TENM4: variants seen among roughly 807,000 people sequenced by gnomAD.
TENM4 encodes teneurin-4.
A neutral mutation model predicts 243.3 loss-of-function variants in TENM4; 82 were observed. That is an observed-to-expected ratio of 0.34 (90% confidence interval 0.28 to 0.40). The LOEUF (loss-of-function observed/expected upper bound fraction) is 0.40, where lower values mean the gene tolerates loss of function less well. Among genes scored for constraint, TENM4 ranks in the 10% least tolerant of loss-of-function variants. The pLI is 1.00. For synonymous variants in TENM4, 1,412 were observed against 1,456.3 expected, an observed-to-expected ratio of 0.97 and a Z score of 0.69; for missense variants, 3,138 against 3,673.3, an observed-to-expected ratio of 0.85 and a Z score of 3.77.
At chr11:79,205,982 A>C (rs1005094468) in intron 3 of TENM4, among the ~76,000 whole-genome samples, 9 of 152,368 alleles carry the variant, frequency 5.9e-5, no homozygotes, top group Non-Finnish European at 1.3e-4. Context: ...GGCCACTGGC[A>C]GGTCTGGTGT....
At chr11:79,054,778 A>G (rs1355381971) in intron 6 of TENM4, among the ~76,000 whole-genome samples, 1 of 152,100 alleles carries the variant, frequency 6.6e-6, no homozygotes, top group Non-Finnish European at 1.5e-5. Flanking sequence ...TGTTTTTACT[A>G]AAACCTATAA....
intron 6 of TENM4, among the ~76,000 whole-genome samples, chr11:78,925,035 G>T (rs575521606): frequency 5.9e-5 from 9 of 152,172 alleles, no homozygotes; most frequent in African/African-American, 1.9e-4. Context: ...TTTCATACAC[G>T]TCACCGCTGA....
intron 6 of TENM4, among the ~76,000 whole-genome samples, chr11:78,995,649 G>A (rs148232611): frequency 5.3e-5 from 8 of 150,450 alleles, no homozygotes; most frequent in African/African-American, 1.9e-4. Context: ...GGGTGGAAAA[G>A]AATTATAAAA....
At chr11:78,664,700 G>T (rs1858109193) in intron 32 of TENM4, among the ~76,000 whole-genome samples, 1 of 152,128 alleles carries the variant, frequency 6.6e-6, no homozygotes, top group African/African-American at 2.4e-5. Flanking sequence ...AAGAGTCTTT[G>T]ATTCTATAAA....
At chr11:79,191,778 G>A (rs1372532636) in intron 3 of TENM4, 2 of 181,560 alleles carry the variant, frequency 1.1e-5, no homozygotes, top group South Asian at 9.4e-5. Context: ...TCCCGGCCGC[G>A]ACCCCGTCTG....
chr11:79,393,426 C>A (rs1858276949), intron 1 of TENM4, among the ~76,000 whole-genome samples: 2 of 152,150 alleles, frequency 1.3e-5, no homozygotes, highest in African/African-American at 4.8e-5. Context: ...CTTTTAAAGA[C>A]AAAATGGGAC....
In TENM4 at chr11:78,658,066, G is replaced by A. The variant is rs780556556; in HGVS notation, c.8302C>T (p.Arg2768Trp). ...IHFMRQSEMG[R>W]R ...GTCCTTGGTCCTCTCTGTCACCTCC[G>A]GCCCATCTCGCTCTGTCTCATGAAG... The change falls in exon 34 of 34, where the codon CGG becomes TGG. Residue 2768 changes from arginine (R) to tryptophan (W), a missense_variant. By Grantham distance (101) the Arg-to-Trp change is moderately radical. Coordinates refer to ENST00000278550, the MANE Select transcript of TENM4 (RefSeq NM_001098816.3). The A allele has an allele frequency of 1.2e-5, 20 of 1,611,800 alleles. No homozygotes were observed. Among genetic ancestry groups the A allele is most frequent in the Middle Eastern group, 3.3e-4 (2 of 6,084 alleles).
intron 2 of TENM4, among the ~76,000 whole-genome samples, chr11:79,292,824 T>A (rs1856379112): frequency 6.6e-6 from 1 of 152,256 alleles, no homozygotes; most frequent in South Asian, 2.1e-4. Context: ...ATAGTATCTA[T>A]CTTATAGGGT....
chr11:79,122,430 AG>A (rs776073672), intron 4 of TENM4, among the ~76,000 whole-genome samples: 3 of 152,180 alleles, frequency 2.0e-5, no homozygotes, highest in Non-Finnish European at 2.9e-5. Flanking sequence ...AACACAAAGC[AG>A]GGGGTCTGAT....
chr11:78,713,124 T>C (rs1859440241), intron 25 of TENM4, among the ~76,000 whole-genome samples: 1 of 152,174 alleles, frequency 6.6e-6, no homozygotes. Context: ...AAAAAAACAC[T>C]TCAAGAGTTC....
At chr11:78,857,135 G>A (rs1394993690) in intron 10 of TENM4, among the ~76,000 whole-genome samples, 4 of 152,186 alleles carry the variant, frequency 2.6e-5, no homozygotes, top group Admixed American at 2.6e-4. Flanking sequence ...AGTTGAGAAG[G>A]AACAGGAGAG....
chr11:79,309,090 A>G (rs896603831), intron 1 of TENM4, among the ~76,000 whole-genome samples: 4 of 152,198 alleles, frequency 2.6e-5, no homozygotes, highest in African/African-American at 9.7e-5. Context: ...CTTCTGAAAA[A>G]AGGAGCATCC....
At chr11:78,793,263 G>A (rs2136054728) in intron 15 of TENM4, among the ~76,000 whole-genome samples, 1 of 152,206 alleles carries the variant, frequency 6.6e-6, no homozygotes, top group African/African-American at 2.4e-5. Flanking sequence ...ACAAGTAGGG[G>A]GTAGAAGGGC....
intron 1 of TENM4, among the ~76,000 whole-genome samples, chr11:79,379,993 C>G (rs1159163061): frequency 6.6e-6 from 1 of 152,092 alleles, no homozygotes; most frequent in African/African-American, 2.4e-5. Flanking sequence ...TGCTCTTCAG[C>G]CCTTTTCTGT....
In TENM4 at chr11:79,356,871, A is replaced by G. The variant is rs920427253; in HGVS notation, c.-320-59328T>C. On this transcript the variant is annotated intron_variant, in intron 1 of 33. Transcript: ENST00000278550. ...GCTTGCTCTCAGCAATCGTTTCCAC[A>G]CTATATATCCATAATGAATATTATA... Among the ~76,000 whole-genome samples the G allele has an allele frequency of 7.2e-5, 11 of 152,286 alleles. 1 individual carries two copies. Among genetic ancestry groups the G allele is most frequent in the Admixed American group, 2.6e-4 (4 of 15,302 alleles).
intron 25 of TENM4, among the ~76,000 whole-genome samples, chr11:78,718,184 G>C (rs1423098550): frequency 6.6e-6 from 1 of 152,172 alleles, no homozygotes; most frequent in African/African-American, 2.4e-5. Flanking sequence ...AGCCCAGAGA[G>C]AGGAAGAGAT....
At chr11:79,265,776 C>T (rs1357005073) in intron 2 of TENM4, among the ~76,000 whole-genome samples, 1 of 152,062 alleles carries the variant, frequency 6.6e-6, no homozygotes, top group Non-Finnish European at 1.5e-5. Flanking sequence ...GGGGAGGAAA[C>T]AGGGCTTTGG....
At chr11:78,768,630 A>G (rs1856588563) in intron 18 of TENM4, among the ~76,000 whole-genome samples, 1 of 152,248 alleles carries the variant, frequency 6.6e-6, no homozygotes, top group African/African-American at 2.4e-5. Context: ...TGAATAAACT[A>G]CGTGCAAGCT....
At chr11:78,673,641 A>G (rs1858391677) in intron 30 of TENM4, among the ~76,000 whole-genome samples, 1 of 152,184 alleles carries the variant, frequency 6.6e-6, no homozygotes, top group Non-Finnish European at 1.5e-5. Context: ...GTATAACAAG[A>G]GTTGTTGTGA....
Sources: gnomAD v4.1 joint callset for allele counts (sites outside exome capture counted in the v4.1 genomes callset) on GRCh38, gnomAD v4.1.1 for gene constraint, MANE v1.5 for transcripts, NCBI Gene and HGNC (gene_info 2026-07-23, HGNC 2026-07-21) for gene names.